SCAPER: variants seen among roughly 807,000 people sequenced by gnomAD.
SCAPER encodes S phase cyclin A-associated protein in the endoplasmic reticulum.
Under a neutral mutation model 182.2 loss-of-function variants are expected in SCAPER, and 98 were observed. The observed-to-expected ratio is 0.54, with a 90% confidence interval of 0.46 to 0.64. The LOEUF (loss-of-function observed/expected upper bound fraction) is 0.64, where lower values mean the gene tolerates loss of function less well. SCAPER is among the 30% of genes least tolerant of loss of function. The pLI is 0.00. For synonymous variants in SCAPER, 605 were observed against 564.6 expected, an observed-to-expected ratio of 1.07 and a Z score of -1.01; for missense variants, 1,432 against 1,690.0, an observed-to-expected ratio of 0.85 and a Z score of 2.68.
chr15:76,432,106 A>G (rs969890563), intron 26 of SCAPER, among the ~76,000 whole-genome samples: 24 of 152,256 alleles, frequency 1.6e-4, no homozygotes, highest in African/African-American at 5.8e-4. Context: ...CATGTGGCTA[A>G]GTTGTCTGGA....
At chr15:76,770,778 T>A (rs1270259800) in intron 10 of SCAPER, among the ~76,000 whole-genome samples, 6 of 152,118 alleles carry the variant, frequency 3.9e-5, no homozygotes, top group Non-Finnish European at 8.8e-5. Flanking sequence ...TTCCACCCCA[T>A]ACAATAAACT....
intron 26 of SCAPER, among the ~76,000 whole-genome samples, chr15:76,417,051 C>G (rs2142285236): frequency 6.6e-6 from 1 of 152,014 alleles, no homozygotes. Flanking sequence ...GGTGACAGCA[C>G]ACACACCCTG....
At chr15:76,717,269 C>G (rs1349806448) in intron 17 of SCAPER, among the ~76,000 whole-genome samples, 1 of 151,992 alleles carries the variant, frequency 6.6e-6, no homozygotes, top group African/African-American at 2.4e-5. Context: ...GACACTAGAC[C>G]TGTGTTACAT....
At chr15:76,661,126 C>T (rs1450831017) in intron 21 of SCAPER, among the ~76,000 whole-genome samples, 2 of 152,072 alleles carry the variant, frequency 1.3e-5, no homozygotes, top group African/African-American at 4.8e-5. Context: ...TGAGCTATAG[C>T]TTCAATGCAA....
At chr15:76,560,795 A>T (rs2046559192) in intron 23 of SCAPER, among the ~76,000 whole-genome samples, 1 of 152,160 alleles carries the variant, frequency 6.6e-6, no homozygotes. Flanking sequence ...GTGCTGGGGG[A>T]TATACACCTA....
intron 20 of SCAPER, among the ~76,000 whole-genome samples, chr15:76,681,162 T>C (rs1259842464): frequency 1.3e-5 from 2 of 152,200 alleles, no homozygotes; most frequent in Admixed American, 6.5e-5. Context: ...AAATGTATGA[T>C]AGTTATACCT....
At chr15:76,489,787 G>A (rs958362737) in intron 24 of SCAPER, among the ~76,000 whole-genome samples, 2 of 152,036 alleles carry the variant, frequency 1.3e-5, no homozygotes, top group African/African-American at 4.8e-5. Flanking sequence ...CTGTTGATTA[G>A]CAACTCCCTA....
At chr15:76,665,343 T>C (rs1028144935) in intron 21 of SCAPER, among the ~76,000 whole-genome samples, 2 of 152,208 alleles carry the variant, frequency 1.3e-5, no homozygotes, top group African/African-American at 2.4e-5. Flanking sequence ...AAATCAATAG[T>C]TGGAAAGAAA....
At chr15:76,770,134 CAT>C (rs2063373624) in intron 10 of SCAPER, among the ~76,000 whole-genome samples, 2 of 138,250 alleles carry the variant, frequency 1.4e-5, no homozygotes, top group African/African-American at 2.7e-5. Context: ...TGTTCTGACT[CAT>C]AGGTGGGAGT....
chr15:76,679,746 T>TC (rs60146084), intron 20 of SCAPER, among the ~76,000 whole-genome samples: 23,350 of 152,112 alleles, frequency 0.15, 2,014 homozygotes, highest in African/African-American at 0.24. Flanking sequence ...TTACAAATAC[T>TC]CCATCAGTTT....
chr15:76,595,330 T>C lies in SCAPER; in HGVS notation c.2712-21046A>G, dbSNP rs1394972200. On this transcript the variant is annotated intron_variant, in intron 22 of 31. Coordinates refer to ENST00000563290, the MANE Select transcript of SCAPER (RefSeq NM_020843.4). ...TACATAAAGCAAGTTCTTAGAGACG[T>C]ACAAAGAGACTTAGACCCCCATACA... 5.0e-5 allele frequency among the ~76,000 whole-genome samples: 6 copies of C among 121,200 alleles called. 1 individual carries two copies. The highest frequency in any genetic ancestry group is 1.5e-4 in the African/African-American group (6 of 39,702). The allele number at this position is 121,200 out of a possible 152,430, so 79.5% of individuals were successfully genotyped here.
At chr15:76,720,740 T>C (rs922617233) in intron 17 of SCAPER, among the ~76,000 whole-genome samples, 1 of 152,236 alleles carries the variant, frequency 6.6e-6, no homozygotes, top group Non-Finnish European at 1.5e-5. Flanking sequence ...TTGAGAAGTG[T>C]CTGTTCATAT....
chr15:76,865,634 G>A (rs1391523744), intron 2 of SCAPER, among the ~76,000 whole-genome samples: 1 of 152,088 alleles, frequency 6.6e-6, no homozygotes, highest in Non-Finnish European at 1.5e-5. Flanking sequence ...AAGAAAGAGG[G>A]AATGACAATA....
chr15:76,701,742 C>G lies in SCAPER; in HGVS notation c.2508+16G>C. The G allele has an allele frequency of 6.3e-7, 1 of 1,599,358 alleles. No individual in the cohort carries two copies. Among genetic ancestry groups the G allele is most frequent in the Non-Finnish European group, 8.6e-7 (1 of 1,167,022 alleles). On this transcript the variant is annotated intron_variant, in intron 20 of 31. Transcript: ENST00000563290. ...TACTCAATAAACAATTGTAAATGAACAAAAATAAAGTTTACCACTTCTTCA... is the reference window on the plus strand; with the variant it reads ...TACTCAATAAACAATTGTAAATGAAGAAAAATAAAGTTTACCACTTCTTCA...
intron 27 of SCAPER, among the ~76,000 whole-genome samples, chr15:76,384,591 T>C (rs1196305390): frequency 6.6e-6 from 1 of 152,092 alleles, no homozygotes; most frequent in African/African-American, 2.4e-5. Context: ...ATGAAAACGG[T>C]AATTGAGGAA....
chr15:76,600,304 A>C (rs1233847707), intron 22 of SCAPER, among the ~76,000 whole-genome samples: 1 of 119,216 alleles, frequency 8.4e-6, no homozygotes, highest in Non-Finnish European at 2.0e-5. Flanking sequence ...CCAAATCCCA[A>C]AGGCAGAAAT....
intron 24 of SCAPER, among the ~76,000 whole-genome samples, chr15:76,474,719 T>C (rs1173678566): frequency 1.3e-5 from 2 of 152,210 alleles, no homozygotes; most frequent in Non-Finnish European, 2.9e-5. Flanking sequence ...ATTTGGGTTA[T>C]TAATCTTATT....
intron 22 of SCAPER, among the ~76,000 whole-genome samples, chr15:76,613,527 A>AT (rs2051185195): frequency 6.6e-6 from 1 of 152,044 alleles, no homozygotes; most frequent in Non-Finnish European, 1.5e-5. Context: ...TATGCATCTA[A>AT]CAAAATACCT....
At chr15:76,566,487 T>C (rs569096579) in intron 23 of SCAPER, among the ~76,000 whole-genome samples, 52 of 152,184 alleles carry the variant, frequency 3.4e-4, no homozygotes, top group African/African-American at 1.2e-3. Flanking sequence ...GCTTAAACTG[T>C]TTACTTATAG....
Sources: gnomAD v4.1 joint callset for allele counts (sites outside exome capture counted in the v4.1 genomes callset) on GRCh38, gnomAD v4.1.1 for gene constraint, MANE v1.5 for transcripts, NCBI Gene and HGNC (gene_info 2026-07-23, HGNC 2026-07-21) for gene names.